Variants in ATE1 observed in about 807,000 individuals in gnomAD.
ATE1 encodes the protein arginyl-tRNA--protein transferase 1.
A neutral mutation model predicts 70.5 loss-of-function variants in ATE1; 36 were observed. The ratio of observed to expected loss-of-function variants is 0.51; its 90% confidence interval spans 0.39 to 0.67. The LOEUF is 0.67. Among genes scored for constraint, ATE1 ranks in the 30% least tolerant of loss-of-function variants. The pLI, the probability that ATE1 is intolerant of heterozygous loss-of-function variation, is 0.00. For synonymous variants in ATE1, 232 were observed against 219.3 expected, an observed-to-expected ratio of 1.06 and a Z score of -0.51; for missense variants, 593 against 629.5, an observed-to-expected ratio of 0.94 and a Z score of 0.62.
chr10:121,814,671 T>C (rs774777258), intron 10 of ATE1, among the ~76,000 whole-genome samples: 3 of 152,008 alleles, frequency 2.0e-5, no homozygotes, highest in Non-Finnish European at 1.5e-5. Flanking sequence ...CAGATAGAGA[T>C]ATAAGAAGGA....
intron 9 of ATE1, among the ~76,000 whole-genome samples, chr10:121,840,502 T>C (rs1315998765): frequency 6.6e-6 from 1 of 152,022 alleles, no homozygotes; most frequent in Admixed American, 6.6e-5. Flanking sequence ...AAGATAATGA[T>C]GACAAGAATA....
At chr10:121,847,952 TC>T (rs1211520010) in intron 8 of ATE1, among the ~76,000 whole-genome samples, 1 of 151,676 alleles carries the variant, frequency 6.6e-6, no homozygotes, top group East Asian at 1.9e-4. Flanking sequence ...GTGCCTGTAA[TC>T]CCAGCTACTC....
intron 8 of ATE1, among the ~76,000 whole-genome samples, chr10:121,844,733 T>C (rs922421780): frequency 6.6e-6 from 1 of 152,144 alleles, no homozygotes; most frequent in African/African-American, 2.4e-5. Context: ...ATCCATACAA[T>C]GAAAGATTAC....
intron 11 of ATE1, among the ~76,000 whole-genome samples, chr10:121,770,560 G>A (rs1945469799): frequency 1.3e-5 from 2 of 152,056 alleles, no homozygotes; most frequent in Admixed American, 1.3e-4. Context: ...TGAGCCTAAA[G>A]ACGAATTACT....
In ATE1 at chr10:121,743,686, T is replaced by G; in HGVS notation, c.1551A>C (p.Arg517Ser). 6.2e-7 allele frequency: 1 copy of G among 1,608,404 alleles called. No homozygotes were observed. Among genetic ancestry groups the G allele is most frequent in the South Asian group, 1.1e-5 (1 of 90,034 alleles). Residue 517 changes from arginine (R) to serine (S), a missense_variant, in exon 12 of 12, where the codon AGA becomes AGC. Transcript: ENST00000224652. Reference sequence around the variant, plus strand: ...CCCGGCAGAGGTGAACAGGTCAGTTTCTGAACAGCAGCATCCGCTCGGAGC... The same window carrying G: ...CCCGGCAGAGGTGAACAGGTCAGTTGCTGAACAGCAGCATCCGCTCGGAGC... ...QKCSERMLLFRN is the reference protein window; with the variant it reads ...QKCSERMLLFSN
chr10:121,805,598 C>T (rs769254341), intron 10 of ATE1, among the ~76,000 whole-genome samples: 11 of 152,174 alleles, frequency 7.2e-5, no homozygotes, highest in Non-Finnish European at 1.3e-4. Context: ...TAAAATGGTA[C>T]TAATACTTTA....
chr10:121,768,951 C>G (rs1029900000), intron 11 of ATE1, among the ~76,000 whole-genome samples: 17 of 151,914 alleles, frequency 1.1e-4, no homozygotes, highest in African/African-American at 3.4e-4. Flanking sequence ...CCCAAAGGCT[C>G]CTAGTAAAGA....
chr10:121,803,665 C>A (rs1946983086), intron 10 of ATE1, among the ~76,000 whole-genome samples: 1 of 152,166 alleles, frequency 6.6e-6, no homozygotes, highest in Admixed American at 6.5e-5. Flanking sequence ...AAATACACGG[C>A]TTTAATAAAG....
At chr10:121,855,595 A>G (rs1324682110) in intron 8 of ATE1, among the ~76,000 whole-genome samples, 1 of 152,196 alleles carries the variant, frequency 6.6e-6, no homozygotes, top group Non-Finnish European at 1.5e-5. Context: ...TTCTCATTGT[A>G]TGTGAAATAT....
intron 10 of ATE1, among the ~76,000 whole-genome samples, chr10:121,833,112 C>A (rs906317417): frequency 6.6e-6 from 1 of 152,188 alleles, no homozygotes; most frequent in African/African-American, 2.4e-5. Flanking sequence ...CAGATGAAGT[C>A]AAGCAACTTC....
chr10:121,865,459 T>C (rs1949630604), intron 8 of ATE1, among the ~76,000 whole-genome samples: 1 of 152,176 alleles, frequency 6.6e-6, no homozygotes, highest in South Asian at 2.1e-4. Flanking sequence ...TTGACTCAGA[T>C]GAGAAATTCA....
intron 8 of ATE1, among the ~76,000 whole-genome samples, chr10:121,859,116 A>G (rs545347981): frequency 6.6e-6 from 1 of 152,302 alleles, no homozygotes; most frequent in East Asian, 1.9e-4. Flanking sequence ...AAAGAAAGAA[A>G]AAAAGGATAT....
At chr10:121,878,347 C>A (rs1170170995) in intron 7 of ATE1, among the ~76,000 whole-genome samples, 2 of 152,082 alleles carry the variant, frequency 1.3e-5, no homozygotes, top group Non-Finnish European at 2.9e-5. Flanking sequence ...AATCCCAGCA[C>A]TTTGGGAGGC....
At chr10:121,866,060 G>C (rs902876984) in intron 8 of ATE1, among the ~76,000 whole-genome samples, 4 of 152,186 alleles carry the variant, frequency 2.6e-5, no homozygotes, top group Non-Finnish European at 4.4e-5. Context: ...GACCATATTT[G>C]TAATTTTCCT....
intron 8 of ATE1, among the ~76,000 whole-genome samples, chr10:121,852,347 C>T (rs894766389): frequency 2.0e-5 from 3 of 152,156 alleles, no homozygotes; most frequent in Non-Finnish European, 2.9e-5. Flanking sequence ...TTTTAGGCAC[C>T]TGATACAAAG....
chr10:121,829,730 A>G (rs778113607), intron 10 of ATE1, among the ~76,000 whole-genome samples: 2 of 152,024 alleles, frequency 1.3e-5, no homozygotes, highest in Non-Finnish European at 2.9e-5. Flanking sequence ...AAAAAAAAAG[A>G]AAGAAAAAAA....
At chr10:121,815,260 C>T (rs1269493037) in intron 10 of ATE1, among the ~76,000 whole-genome samples, 1 of 152,140 alleles carries the variant, frequency 6.6e-6, no homozygotes, top group South Asian at 2.1e-4. Flanking sequence ...CTCAGCCTCC[C>T]GAGTAGCTGG....
At chr10:121,868,647 A>C (rs1303541590) in intron 8 of ATE1, among the ~76,000 whole-genome samples, 2 of 152,134 alleles carry the variant, frequency 1.3e-5, no homozygotes, top group African/African-American at 4.8e-5. Flanking sequence ...CTCCATTTTT[A>C]GATCAGGGAA....
intron 3 of ATE1, among the ~76,000 whole-genome samples, chr10:121,916,842 A>C (rs115423845): frequency 0.017 from 2,532 of 148,162 alleles, 59 homozygotes; most frequent in African/African-American, 0.057. Flanking sequence ...CTCAAACAAA[A>C]AAAAAAAATC....
Sources: gnomAD v4.1 joint callset for allele counts (sites outside exome capture counted in the v4.1 genomes callset) on GRCh38, gnomAD v4.1.1 for gene constraint, MANE v1.5 for transcripts, NCBI Gene and HGNC (gene_info 2026-07-23, HGNC 2026-07-21) for gene names.